The following DUOX1 variants were observed in gnomAD, a reference collection of about 807,000 sequenced individuals.
DUOX1 encodes NADPH thyroid oxidase 1.
In DUOX1, 134 loss-of-function variants were observed where a neutral mutation model predicts 181.8. That is an observed-to-expected ratio of 0.74 (90% CI 0.64 to 0.85). The LOEUF (loss-of-function observed/expected upper bound fraction) is 0.85, where lower values mean the gene tolerates loss of function less well. Ranked by LOEUF, DUOX1 falls within the 40% of genes least tolerant of loss-of-function variation. The pLI is 0.00. For synonymous variants in DUOX1, 798 were observed against 832.5 expected (o/e 0.96, Z 0.71); for missense variants, 1,814 against 2,064.4 (o/e 0.88, Z 2.35).
At chr15:45,143,100 G>A in intron 15 of DUOX1, 90 bp from the exon 16 acceptor site, 1 of 927,036 alleles carries the variant, frequency 1.1e-6, no homozygotes, top group Non-Finnish European at 1.7e-6. Context: ...GGGACAATAG[G>A]TGGTATTGCC....
rs372577044 is a variant in DUOX1 at position 45,132,009 on chromosome 15, G to A, written c.43G>A (p.Ala15Thr). The A allele has an allele frequency of 1.2e-6, 2 of 1,612,584 alleles. No individual in the cohort carries two copies. The highest frequency in any genetic ancestry group is 1.7e-6 in the Non-Finnish European group (2 of 1,179,566). ...TCTAGCATGGACACTTCTGGTTGGGGCATGGACCCCTCTGGGTGAGTACAG... is the reference window on the plus strand; with the variant it reads ...TCTAGCATGGACACTTCTGGTTGGGACATGGACCCCTCTGGGTGAGTACAG... ...LALAWTLLVG[A>T]WTPLGAQNPI... Residue 15 changes from alanine to threonine, a missense_variant, in exon 2 of 34, where the codon GCA becomes ACA. Ala to Thr is a moderately conservative substitution (Grantham distance 58). Transcript: ENST00000389037.
chr15:45,152,349 C>T lies in DUOX1; in HGVS notation c.3257C>T (p.Ser1086Leu), dbSNP rs753808879. 3.7e-6 allele frequency: 6 copies of T among 1,614,098 alleles called. No individual in the cohort carries two copies. The Admixed American group carries it at 8.3e-5, about 22-fold the overall frequency. Reference protein sequence around the residue: ...TDTTRVGIILSRGTAASISFM... With the variant: ...TDTTRVGIILLRGTAASISFM... Reference sequence around the variant, plus strand: ...ACCACCCGCGTGGGAATCATCCTGTCGCGGGGCACAGCAGCCAGCATCTCT... The same window carrying T: ...ACCACCCGCGTGGGAATCATCCTGTTGCGGGGCACAGCAGCCAGCATCTCT... The change falls in exon 25 of 34, where the codon TCG (serine) becomes TTG (leucine). Residue 1086 changes from serine to leucine, a missense_variant. By Grantham distance (145) the Ser-to-Leu change is moderately radical (BLOSUM62 -2). Transcript: ENST00000389037.
intron 25 of DUOX1, 65 bp downstream of exon 25, chr15:45,152,581 T>G: frequency 7.1e-7 from 1 of 1,414,358 alleles, no homozygotes; most frequent in Non-Finnish European, 9.9e-7. Flanking sequence ...TCCCCTCGTA[T>G]GAGAGCCCCC....
chr15:45,133,968 G>C (rs1170142675), intron 3 of DUOX1, 21 bp downstream of exon 3: 2 of 1,613,006 alleles, frequency 1.2e-6, no homozygotes, highest in Non-Finnish European at 1.7e-6. Flanking sequence ...GCCAAGTGGG[G>C]ATAGAACCCC....
intron 21 of DUOX1, among the ~76,000 whole-genome samples, chr15:45,149,276 T>C (rs1896745321): frequency 6.6e-6 from 1 of 152,126 alleles, no homozygotes; most frequent in Admixed American, 6.5e-5. Flanking sequence ...GGCTTCCCCC[T>C]GGGGGTAAGG....
intron 12 of DUOX1, chr15:45,139,854 T>C (rs1896446834): frequency 5.0e-6 from 3 of 603,524 alleles, no homozygotes; most frequent in Non-Finnish European, 8.6e-6. Flanking sequence ...AGGCACTTAA[T>C]AGTCACTATC....
chr15:45,140,767 T>G, intron 12 of DUOX1, 128 bp from the exon 13 acceptor site: 1 of 906,886 alleles, frequency 1.1e-6, no homozygotes. Context: ...ATAAGCACTG[T>G]ATAGGAGTGA....
intron 23 of DUOX1, 193 bp from the exon 24 acceptor site, chr15:45,151,681 C>A: frequency 1.7e-6 from 1 of 593,192 alleles, no homozygotes; most frequent in South Asian, 2.4e-5. Flanking sequence ...CCCTCCACTG[C>A]CAGCTTGCTT....
Position 45,165,048 on chromosome 15 carries a change from A to C in DUOX1, c.*147A>C, listed in dbSNP as rs1369699265. 15 of 863,850 alleles carry C rather than the reference A, an allele frequency of 1.7e-5. No homozygotes were observed. The highest frequency in any genetic ancestry group is 1.0e-4 in the South Asian group (6 of 59,570). 53.5% of individuals were successfully genotyped at this position (863,850 alleles called of 1,614,324 possible). On this transcript the variant is annotated 3_prime_UTR_variant, in exon 34 of 34. Transcript: ENST00000389037. ...TTCCAGGTGGCCATAGTCAGTCACC[A>C]TGTGTGGGCTCAGGGACCCCCAGGA...
At chr15:45,142,707 A>G (rs947663995) in intron 15 of DUOX1, among the ~76,000 whole-genome samples, 1 of 151,622 alleles carries the variant, frequency 6.6e-6, no homozygotes, top group African/African-American at 2.4e-5. Context: ...CCTGGGCAAC[A>G]AGAGCGAAAC....
At position 45,135,948 on chromosome 15, in the gene DUOX1, G is replaced by T; in HGVS notation, c.864G>T (p.Gln288His). 1 of 1,423,826 alleles carries T rather than the reference G, an allele frequency of 7.0e-7. No homozygotes were observed. Among genetic ancestry groups the T allele is most frequent in the Non-Finnish European group, 9.5e-7 (1 of 1,054,230 alleles). 88.2% of individuals were successfully genotyped at this position (1,423,826 alleles called of 1,614,324 possible). A position where few individuals can be genotyped will look rare whatever the true frequency, so the allele number is the denominator to read the frequency against. ...HARKRVIATY[Q>H]NIAVYEWLPS... ...GCAAGAGGGTCATCGCCACCTACCA[G>T]GTCAGCCGTCCGCGCCCCGCGACGT... Residue 288 changes from glutamine (Q) to histidine (H), a missense_variant and splice_region_variant, in exon 7 of 34, where the codon CAG becomes CAT. Transcript: ENST00000389037.
intron 31 of DUOX1, among the ~76,000 whole-genome samples, chr15:45,163,270 C>T (rs1163977803): frequency 6.6e-6 from 1 of 152,210 alleles, no homozygotes; most frequent in Non-Finnish European, 1.5e-5. Context: ...CTGCTTCCCA[C>T]CCCACAGACC....
chr15:45,144,031 C>T lies in DUOX1; in HGVS notation c.1937-5C>T. ...GCTGACGAAGCCCTGTCTCTCTCCC[C>T]CTAGCTTTGGAATGGCAAGGCCACA... On this transcript the variant is annotated splice_polypyrimidine_tract_variant and splice_region_variant and intron_variant, in intron 16 of 33. Coordinates refer to ENST00000389037, the MANE Select transcript of DUOX1 (RefSeq NM_175940.3). 6.2e-7 allele frequency: 1 copy of T among 1,613,736 alleles called. No homozygotes were observed. The highest frequency in any genetic ancestry group is 8.5e-7 in the Non-Finnish European group (1 of 1,179,986).
intron 1 of DUOX1, chr15:45,131,408 C>T (rs1896141603): frequency 6.4e-6 from 1 of 156,590 alleles, no homozygotes; most frequent in Non-Finnish European, 1.4e-5. Context: ...AAACCTCCTT[C>T]TCACATTTGA....
Position 45,161,898 on chromosome 15 carries a change from AG to A in DUOX1, c.4020del (p.Trp1342GlyfsTer44), listed in dbSNP as rs1373659187. The stretch of plus-strand genomic sequence containing the variant: ...CGCTTAGCCTGCACATCCGGGCAGC[AG>A]GGCCCTGGACCACTCGCCTCAGGGA... ...DTLSLHIRAA[G>X]PWTTRLREIY... On this transcript the variant is annotated frameshift_variant, in exon 30 of 34. Coordinates refer to ENST00000389037, the MANE Select transcript of DUOX1 (RefSeq NM_175940.3). LOFTEE classifies it high-confidence loss of function. The A allele has an allele frequency of 6.2e-6, 10 of 1,613,676 alleles. No individual in the cohort carries two copies. In the Admixed American group the frequency reaches 1.5e-4, roughly 24 times the overall value.
intron 21 of DUOX1, among the ~76,000 whole-genome samples, chr15:45,149,664 C>G (rs1181953310): frequency 1.3e-5 from 2 of 152,148 alleles, no homozygotes; most frequent in Non-Finnish European, 2.9e-5. Flanking sequence ...GCCTGGCCAA[C>G]ATAGAGAAAC....
chr15:45,163,552 G>C lies in DUOX1; in HGVS notation c.4269G>C (p.Thr1423=). 1 of 1,614,152 alleles carries C rather than the reference G, an allele frequency of 6.2e-7. No individual in the cohort carries two copies. Among genetic ancestry groups the C allele is most frequent in the Non-Finnish European group, 8.5e-7 (1 of 1,180,018 alleles). ...CCCAGATCTACTTCATCTGGGTGAC[G>C]CGGACCCAGCGTCAGTTTGAGTGGC... ...FCKKIYFIWV[T]RTQRQFEWLA... The change falls in exon 32 of 34, where the codon ACG becomes ACC. Residue 1423 remains threonine, a synonymous_variant. Coordinates refer to ENST00000389037, the MANE Select transcript of DUOX1 (RefSeq NM_175940.3).
At chr15:45,153,197 G>A in intron 25 of DUOX1, 183 bp from the exon 26 acceptor site, 1 of 528,706 alleles carries the variant, frequency 1.9e-6, no homozygotes, top group Non-Finnish European at 3.3e-6. Flanking sequence ...CTCCAGCCTG[G>A]GTGACAGAGT....
At chr15:45,131,292 A>G (rs1424753543) in intron 1 of DUOX1, among the ~76,000 whole-genome samples, 3 of 152,168 alleles carry the variant, frequency 2.0e-5, no homozygotes, top group South Asian at 2.1e-4. Flanking sequence ...CACTAAATAC[A>G]TGAGCACCTG....
Sources: allele counts gnomAD v4.1 joint callset (sites outside exome capture counted in the v4.1 genomes callset), GRCh38; gene constraint gnomAD v4.1.1; transcripts MANE v1.5; gene names NCBI Gene and HGNC (gene_info 2026-07-23, HGNC 2026-07-21).